GALR1: variants seen among roughly 807,000 people sequenced by gnomAD.
The protein encoded by GALR1 is galanin receptor 1.
In GALR1, 11 loss-of-function variants were observed where a neutral mutation model predicts 17.9. That is an observed-to-expected ratio of 0.62 (90% CI 0.39 to 1.02). The LOEUF (loss-of-function observed/expected upper bound fraction) is 1.02, where lower values mean the gene tolerates loss of function less well. GALR1 is among the 50% of genes least tolerant of loss of function. GALR1 has a pLI of 0.01. For synonymous variants in GALR1, 206 were observed against 205.7 expected, an observed-to-expected ratio of 1.00 and a Z score of -0.01; for missense variants, 441 against 456.9, an observed-to-expected ratio of 0.97 and a Z score of 0.32.
Position 77,269,621 on chromosome 18 carries a change from A to G in GALR1, c.*719A>G, listed in dbSNP as rs1213867181. The G allele has an allele frequency of 2.6e-5, 4 of 152,258 alleles. No individual in the cohort carries two copies. Among genetic ancestry groups the G allele is most frequent in the African/African-American group, 9.6e-5 (4 of 41,466 alleles). The allele number at this position is 152,258 out of a possible 1,614,324, so 9.4% of individuals were successfully genotyped here. On this transcript the variant is annotated 3_prime_UTR_variant, in exon 3 of 3. Coordinates refer to ENST00000299727, the MANE Select transcript of GALR1 (RefSeq NM_001480.4). ...TGAAACTGGCTTTATAGAGTTAACA[A>G]AACAGAGTCAGAGACCACTGTCTTA...
chr18:77,265,108 G>A (rs1912918053), intron 2 of GALR1, among the ~76,000 whole-genome samples: 1 of 152,100 alleles, frequency 6.6e-6, no homozygotes, highest in African/African-American at 2.4e-5. Flanking sequence ...CTGAGACAAG[G>A]CAAGTCCCTT....
At position 77,271,619 on chromosome 18, in the gene GALR1, C is replaced by G. The variant is rs1018029608; in HGVS notation, c.*2717C>G. On this transcript the variant is annotated 3_prime_UTR_variant, in exon 3 of 3. Transcript: ENST00000299727. ...ATAAAGACAGCTTCCCAAGGACACA[C>G]TTTTTCTCCCAGCATCAGGTTGAGG... is the stretch of plus-strand genomic sequence containing the variant. 2 of 152,208 alleles carry G rather than the reference C, an allele frequency of 1.3e-5. No homozygotes were observed. The highest frequency in any genetic ancestry group is 2.9e-5 in the Non-Finnish European group (2 of 68,038). 9.4% of individuals were successfully genotyped at this position (152,208 alleles called of 1,614,324 possible).
At chr18:77,255,179 G>T (rs546473798) in intron 1 of GALR1, among the ~76,000 whole-genome samples, 2 of 152,180 alleles carry the variant, frequency 1.3e-5, no homozygotes, top group Non-Finnish European at 2.9e-5. Context: ...AGTCGCCCTG[G>T]GGCTAGATTT....
In GALR1 at chr18:77,250,538, C is replaced by A; in HGVS notation, c.-11C>A. The A allele has an allele frequency of 6.6e-7, 1 of 1,507,812 alleles. No homozygotes were observed. Among genetic ancestry groups the A allele is most frequent in the Non-Finnish European group, 8.8e-7 (1 of 1,133,944 alleles). 93.4% of individuals were successfully genotyped at this position (1,507,812 alleles called of 1,614,324 possible). A position where few individuals can be genotyped will look rare whatever the true frequency, so the allele number is the denominator to read the frequency against. ...CGCGCCCCGCCGCTCGCCGGGACAG[C>A]CCCGCGGGCCATGGAGCTGGCGGTC... On this transcript the variant is annotated 5_prime_UTR_variant, in exon 1 of 3. Coordinates refer to ENST00000299727, the MANE Select transcript of GALR1 (RefSeq NM_001480.4).
intron 1 of GALR1, among the ~76,000 whole-genome samples, chr18:77,255,528 G>A (rs566370361): frequency 6.6e-6 from 1 of 152,312 alleles, no homozygotes; most frequent in Non-Finnish European, 1.5e-5. Context: ...ATGAAAGGAA[G>A]CCTGATGGGA....
chr18:77,266,946 T>C (rs1599364531), intron 2 of GALR1, among the ~76,000 whole-genome samples: 1 of 152,226 alleles, frequency 6.6e-6, no homozygotes, highest in East Asian at 1.9e-4. Context: ...GCTCTGATGC[T>C]TCCCCTCCCA....
In GALR1 at chr18:77,276,358, A is replaced by G. The variant is rs1162372581; in HGVS notation, c.*7456A>G. The G allele has an allele frequency of 6.6e-6, 1 of 152,246 alleles. No homozygotes were observed. The highest frequency in any genetic ancestry group is 2.4e-5 in the African/African-American group (1 of 41,466). The allele number at this position is 152,246 out of a possible 1,614,324, so 9.4% of individuals were successfully genotyped here. On this transcript the variant is annotated 3_prime_UTR_variant, in exon 3 of 3. Coordinates refer to ENST00000299727, the MANE Select transcript of GALR1 (RefSeq NM_001480.4). Reference sequence around the variant, plus strand: ...TGTCTTTGGTATCCTCATGCATACAAGAAGGATTTGGAAAATGTCAGTGAG... The same window carrying G: ...TGTCTTTGGTATCCTCATGCATACAGGAAGGATTTGGAAAATGTCAGTGAG...
In GALR1 at chr18:77,269,123, G is replaced by T; in HGVS notation, c.*221G>T. 1.9e-6 allele frequency: 1 copy of T among 529,982 alleles called. No homozygotes were observed. The highest frequency in any genetic ancestry group is 3.3e-6 in the Non-Finnish European group (1 of 301,610). 32.8% of individuals were successfully genotyped at this position (529,982 alleles called of 1,614,324 possible). ...CAATTTTATTTTAGTTCTAAATTATGTTTCAGAAACAAAAGACAATGCTGT... is the reference window on the plus strand; with the variant it reads ...CAATTTTATTTTAGTTCTAAATTATTTTTCAGAAACAAAAGACAATGCTGT... On this transcript the variant is annotated 3_prime_UTR_variant, in exon 3 of 3. Coordinates refer to ENST00000299727, the MANE Select transcript of GALR1 (RefSeq NM_001480.4).
At position 77,251,115 on chromosome 18, in the gene GALR1, G is replaced by A. The variant is rs1440858883; in HGVS notation, c.567G>A (p.Glu189=). 1 of 1,612,784 alleles carries A rather than the reference G, an allele frequency of 6.2e-7. No homozygotes were observed. Among genetic ancestry groups the A allele is most frequent in the East Asian group, 2.2e-5 (1 of 44,872 alleles). The change falls in exon 1 of 3, where the codon GAG becomes GAA. Residue 189 remains glutamate (E), a synonymous_variant. Coordinates refer to ENST00000299727, the MANE Select transcript of GALR1 (RefSeq NM_001480.4). ...PRASNQTFCW[E]QWPDPRHKKA... is the part of the protein sequence containing the mutation. ...CCAGCAACCAGACCTTCTGCTGGGA[G>A]CAGTGGCCCGACCCTCGCCACAAGA...
intron 2 of GALR1, among the ~76,000 whole-genome samples, chr18:77,261,694 A>G (rs1912833234): frequency 6.6e-6 from 1 of 152,242 alleles, no homozygotes; most frequent in Non-Finnish European, 1.5e-5. Context: ...AGGAAAGGAG[A>G]TGCTTCAGCC....
chr18:77,252,979 AT>A (rs1335657240), intron 1 of GALR1, among the ~76,000 whole-genome samples: 3 of 69,906 alleles, frequency 4.3e-5, no homozygotes, highest in East Asian at 3.6e-4. Flanking sequence ...CATCACCACC[AT>A]CACCACCATC....
intron 1 of GALR1, among the ~76,000 whole-genome samples, chr18:77,254,521 C>T (rs1335975540): frequency 6.6e-6 from 1 of 152,172 alleles, no homozygotes; most frequent in Non-Finnish European, 1.5e-5. Flanking sequence ...CCAGGTGTCC[C>T]TCTTTGATTT....
chr18:77,264,807 A>G (rs1301879803), intron 2 of GALR1, among the ~76,000 whole-genome samples: 1 of 152,172 alleles, frequency 6.6e-6, no homozygotes, highest in Non-Finnish European at 1.5e-5. Flanking sequence ...CTATAAAACC[A>G]TCAGATCTCA....
At chr18:77,262,218 TAA>T (rs796942805) in intron 2 of GALR1, among the ~76,000 whole-genome samples, 1,717 of 125,388 alleles carry the variant, frequency 0.014, 25 homozygotes, top group African/African-American at 0.045. Flanking sequence ...CTATCCGAAT[TAA>T]AAAAAAAAAA....
chr18:77,251,267 G>C, intron 1 of GALR1, 53 bp downstream of exon 1: 1 of 1,540,376 alleles, frequency 6.5e-7, no homozygotes, highest in Non-Finnish European at 8.8e-7. Flanking sequence ...AGGGCCGGTG[G>C]GGGCCCTGGG....
Position 77,275,953 on chromosome 18 carries a change from TG to T in GALR1, c.*7052del, listed in dbSNP as rs1913148912. 1 of 152,134 alleles carries T rather than the reference TG, an allele frequency of 6.6e-6. No individual in the cohort carries two copies. The highest frequency in any genetic ancestry group is 2.1e-4 in the South Asian group (1 of 4,830). The allele number at this position is 152,134 out of a possible 1,614,324, so 9.4% of individuals were successfully genotyped here. On this transcript the variant is annotated 3_prime_UTR_variant, in exon 3 of 3. Transcript: ENST00000299727. ...GAACTTTTACATGGTAGACACTGAGTGAATACACAGATTCCTAGATTTGAGA... is the reference window on the plus strand; with the variant it reads ...GAACTTTTACATGGTAGACACTGAGTAATACACAGATTCCTAGATTTGAGA...
Position 77,250,803 on chromosome 18 carries a change from G to A in GALR1, c.255G>A (p.Leu85=). ...LNLSIADLAY[L]LFCIPFQATV... ...TGAGCATCGCCGACCTGGCCTACCT[G>A]CTCTTCTGCATCCCCTTCCAGGCCA... Residue 85 remains leucine, a synonymous_variant, in exon 1 of 3, where the codon CTG becomes CTA. Coordinates refer to ENST00000299727, the MANE Select transcript of GALR1 (RefSeq NM_001480.4). 6.2e-7 allele frequency: 1 copy of A among 1,613,964 alleles called. No homozygotes were observed.
In GALR1 at chr18:77,271,965, T is replaced by A. The variant is rs1342414050; in HGVS notation, c.*3063T>A. The A allele has an allele frequency of 6.6e-6, 1 of 151,626 alleles. No homozygotes were observed. Among genetic ancestry groups the A allele is most frequent in the East Asian group, 1.9e-4 (1 of 5,186 alleles). 9.4% of individuals were successfully genotyped at this position (151,626 alleles called of 1,614,324 possible). On this transcript the variant is annotated 3_prime_UTR_variant, in exon 3 of 3. Transcript: ENST00000299727. ...TGTGCTCTTCTGACCGGGTATGTAC[T>A]CAGCAACATGGGGGACTGAGGCCAT...
intron 1 of GALR1, among the ~76,000 whole-genome samples, chr18:77,253,034 T>TCACCACCACCAC (rs1221810035): frequency 2.3e-5 from 1 of 43,914 alleles, no homozygotes; most frequent in African/African-American, 8.6e-5. Context: ...ATCACCACCA[T>TCACCACCACCAC]CACCACCACC....
Sources: gnomAD v4.1 joint callset for allele counts (sites outside exome capture counted in the v4.1 genomes callset) on GRCh38, gnomAD v4.1.1 for gene constraint, MANE v1.5 for transcripts, NCBI Gene and HGNC (gene_info 2026-07-23, HGNC 2026-07-21) for gene names.